Variants in GPR39 observed in about 807,000 individuals in gnomAD.
The protein encoded by GPR39 is zinc sensing receptor.
A neutral mutation model predicts 18.4 loss-of-function variants in GPR39; 23 were observed. The observed-to-expected ratio is 1.25, with a 90% CI of 0.90 to 1.77. The LOEUF is 1.77. GPR39 is among the 40% of genes most tolerant of loss of function. The pLI is 0.00. For missense variants in GPR39, 647 were observed against 602.4 expected (o/e 1.07, Z -0.78); for synonymous variants, 280 against 257.9 (o/e 1.09, Z -0.82).
At chr2:132,562,187 A>G (rs945281515) in intron 1 of GPR39, among the ~76,000 whole-genome samples, 2 of 151,838 alleles carry the variant, frequency 1.3e-5, no homozygotes, top group African/African-American at 2.4e-5. Context: ...ATATGATTCC[A>G]TCGTGCATCC....
chr2:132,543,636 G>A (rs1047543691), intron 1 of GPR39, among the ~76,000 whole-genome samples: 1 of 152,132 alleles, frequency 6.6e-6, no homozygotes, highest in Non-Finnish European at 1.5e-5. Context: ...TGTTATCTGG[G>A]TTGGGTTAGG....
At chr2:132,542,342 T>C (rs1558833337) in intron 1 of GPR39, among the ~76,000 whole-genome samples, 2 of 152,192 alleles carry the variant, frequency 1.3e-5, no homozygotes, top group African/African-American at 2.4e-5. Flanking sequence ...CAGATGGCCA[T>C]TGGCAAGCTT....
At chr2:132,497,124 A>G (rs1681655287) in intron 1 of GPR39, among the ~76,000 whole-genome samples, 1 of 152,090 alleles carries the variant, frequency 6.6e-6, no homozygotes, top group Non-Finnish European at 1.5e-5. Flanking sequence ...GCACATCCTG[A>G]TGTGTGTGTG....
intron 1 of GPR39, among the ~76,000 whole-genome samples, chr2:132,455,287 C>T (rs1680700944): frequency 1.3e-5 from 2 of 152,126 alleles, no homozygotes; most frequent in African/African-American, 4.8e-5. Flanking sequence ...TTATAGTATT[C>T]TCTGATGGTA....
intron 1 of GPR39, among the ~76,000 whole-genome samples, chr2:132,499,999 T>G (rs1678981797): frequency 6.6e-6 from 1 of 152,178 alleles, no homozygotes; most frequent in African/African-American, 2.4e-5. Context: ...CTTTAGGGTT[T>G]TCTATGTATA....
intron 1 of GPR39, among the ~76,000 whole-genome samples, chr2:132,604,241 G>A (rs189370712): frequency 2.5e-4 from 38 of 152,116 alleles, no homozygotes; most frequent in African/African-American, 8.2e-4. Context: ...CCCTCAGCAG[G>A]CAACTCATAT....
rs766400678 is a variant in GPR39, at chr2:132,646,049, C to T, written c.*443C>T. The T allele has an allele frequency of 3.2e-6, 5 of 1,560,942 alleles. No individual in the cohort carries two copies. In the African/African-American group the frequency reaches 6.8e-5, roughly 21 times the overall value. ...GGGGTGGCATCTCCTTCAGCTTCAG[C>T]AGTGTGCCGAGAAGAGGGCTAATTT... On this transcript the variant is annotated 3_prime_UTR_variant, in exon 2 of 2. Coordinates refer to ENST00000329321, the MANE Select transcript of GPR39 (RefSeq NM_001508.3).
chr2:132,497,748 C>T (rs1681674822), intron 1 of GPR39, among the ~76,000 whole-genome samples: 1 of 152,144 alleles, frequency 6.6e-6, no homozygotes, highest in East Asian at 1.9e-4. Flanking sequence ...AGAAGCAGCT[C>T]AAACAAATCT....
At chr2:132,638,418 T>A (rs1439596417) in intron 1 of GPR39, among the ~76,000 whole-genome samples, 1 of 152,236 alleles carries the variant, frequency 6.6e-6, no homozygotes, top group African/African-American at 2.4e-5. Flanking sequence ...AACAGAGGGC[T>A]TGTTAACCCC....
At chr2:132,458,466 G>GTT (rs1456829032) in intron 1 of GPR39, among the ~76,000 whole-genome samples, 1 of 140,430 alleles carries the variant, frequency 7.1e-6, no homozygotes, top group Non-Finnish European at 1.5e-5. Context: ...GTTTGTGTGT[G>GTT]TGTGTGTGTG....
intron 1 of GPR39, among the ~76,000 whole-genome samples, chr2:132,493,244 C>T (rs1263064537): frequency 1.4e-5 from 2 of 137,968 alleles, no homozygotes. Context: ...ATATATACAC[C>T]ATATATACAC....
chr2:132,623,811 C>T (rs1280100799), intron 1 of GPR39, among the ~76,000 whole-genome samples: 1 of 152,146 alleles, frequency 6.6e-6, no homozygotes, highest in African/African-American at 2.4e-5. Context: ...GCACAATTGC[C>T]TTGGGAAGGT....
intron 1 of GPR39, among the ~76,000 whole-genome samples, chr2:132,528,751 A>G (rs923452167): frequency 2.6e-5 from 4 of 152,174 alleles, no homozygotes; most frequent in South Asian, 4.1e-4. Context: ...TTGTTGGTAT[A>G]TAGGAATGCT....
At position 132,645,533 on chromosome 2, in the gene GPR39, CA is replaced by C; in HGVS notation, c.1290del (p.Leu431Ter). The C allele has an allele frequency of 6.2e-7, 1 of 1,614,166 alleles. No homozygotes were observed. Among genetic ancestry groups the C allele is most frequent in the Non-Finnish European group, 8.5e-7 (1 of 1,180,024 alleles). ...AAGTCCCAGTCATTGAGTCTCGAGT[CA>C]CTAGAGCCCAACTCAGGCGCGAAAC... Reference protein sequence around the residue: ...QSKSQSLSLESLEPNSGAKPA... With the variant: ...QSKSQSLSLEXLEPNSGAKPA... On this transcript the variant is annotated frameshift_variant, in exon 2 of 2. Transcript: ENST00000329321. LOFTEE classifies it low-confidence loss of function (END_TRUNC).
intron 1 of GPR39, among the ~76,000 whole-genome samples, chr2:132,495,025 C>A (rs1023522339): frequency 2.0e-5 from 3 of 152,000 alleles, no homozygotes; most frequent in Non-Finnish European, 4.4e-5. Context: ...CCAGCCCTAG[C>A]GGGTTTCTAG....
At chr2:132,629,523 A>G (rs1021964251) in intron 1 of GPR39, among the ~76,000 whole-genome samples, 8 of 152,246 alleles carry the variant, frequency 5.3e-5, no homozygotes, top group Non-Finnish European at 1.2e-4. Flanking sequence ...TATATAGTTC[A>G]TGATTTTTAG....
intron 1 of GPR39, among the ~76,000 whole-genome samples, chr2:132,474,262 C>A (rs182835812): frequency 1.3e-5 from 2 of 152,338 alleles, no homozygotes; most frequent in East Asian, 1.9e-4. Context: ...TGGTGTTACA[C>A]AATTCTTCCT....
At chr2:132,534,212 T>C in intron 1 of GPR39, among the ~76,000 whole-genome samples, 1 of 152,080 alleles carries the variant, frequency 6.6e-6, no homozygotes, top group Non-Finnish European at 1.5e-5. Context: ...AGAAGACATT[T>C]ATGCAGCCAA....
intron 1 of GPR39, among the ~76,000 whole-genome samples, chr2:132,444,665 G>T (rs561341109): frequency 1.3e-5 from 2 of 152,254 alleles, no homozygotes; most frequent in African/African-American, 4.8e-5. Flanking sequence ...GTGTTTGGCC[G>T]CTTCATTTAA....
Sources: allele counts gnomAD v4.1 joint callset (sites outside exome capture counted in the v4.1 genomes callset), GRCh38; gene constraint gnomAD v4.1.1; transcripts MANE v1.5; gene names NCBI Gene and HGNC (gene_info 2026-07-23, HGNC 2026-07-21).